Variants in STAG2 observed in about 807,000 individuals in gnomAD.
STAG2 encodes the protein STAG2 cohesin complex component, also known as cohesin subunit SA-2.
In STAG2, 14 loss-of-function variants were observed where a neutral mutation model predicts 108.1. The ratio of observed to expected loss-of-function variants is 0.13; its 90% CI spans 0.09 to 0.20. The LOEUF (loss-of-function observed/expected upper bound fraction) is 0.20. Among genes scored for constraint, STAG2 ranks in the 10% least tolerant of loss-of-function variants. The pLI is 1.00. For missense variants in STAG2, 440 were observed against 940.9 expected, an observed-to-expected ratio of 0.47 and a Z score of 6.96; for synonymous variants, 307 against 302.7, an observed-to-expected ratio of 1.01 and a Z score of -0.15.
intron 24 of STAG2, 62 bp downstream of exon 24, chrX:124,068,718 G>A (rs983694058): frequency 5.0e-6 from 4 of 804,085 alleles, no homozygotes; most frequent in African/African-American, 2.1e-5. Context: ...CTGAACTAAT[G>A]TAGAAAGTTT....
intron 4 of STAG2, among the ~76,000 whole-genome samples, chrX:124,027,004 A>G (rs1028914772): frequency 2.7e-5 from 3 of 111,934 alleles, no homozygotes; most frequent in East Asian, 2.8e-4. Context: ...GGCTAAAGCA[A>G]TTATCCTGCC....
At chrX:124,027,399 C>T (rs775697298) in intron 4 of STAG2, among the ~76,000 whole-genome samples, 2 of 112,159 alleles carry the variant, frequency 1.8e-5, no homozygotes, top group Non-Finnish European at 3.8e-5. Context: ...TATTAACTTA[C>T]GGCTATCCAA....
chrX:124,014,366 A>AT (rs1408314502), intron 1 of STAG2, among the ~76,000 whole-genome samples: 4 of 110,572 alleles, frequency 3.6e-5, no homozygotes, highest in African/African-American at 1.3e-4. Flanking sequence ...GTATGTATAA[A>AT]ATTTTTTTTT....
At chrX:124,073,880 C>T (rs2058735439) in intron 25 of STAG2, among the ~76,000 whole-genome samples, 1 of 111,745 alleles carries the variant, frequency 8.9e-6, no homozygotes, top group South Asian at 3.7e-4. Flanking sequence ...AAGAAGCCCT[C>T]ATTTGTATTC....
chrX:124,004,753 CT>C (rs1370491595), intron 1 of STAG2, among the ~76,000 whole-genome samples: 13 of 110,956 alleles, frequency 1.2e-4, no homozygotes, highest in Non-Finnish European at 2.1e-4. Context: ...TTTTTTTTCT[CT>C]TTTATCCACC....
intron 25 of STAG2, 51 bp from the exon 26 acceptor site, chrX:124,076,281 C>T: frequency 8.7e-7 from 1 of 1,143,900 alleles, no homozygotes; most frequent in Non-Finnish European, 1.2e-6. Flanking sequence ...AAAAAAAATA[C>T]ATGGTTGAAA....
chrX:123,997,488 T>C (rs1265936780), intron 1 of STAG2, among the ~76,000 whole-genome samples: 1 of 112,104 alleles, frequency 8.9e-6, no homozygotes, highest in Non-Finnish European at 1.9e-5. Flanking sequence ...ACCCAGCACC[T>C]GGCAAACCAC....
chrX:124,038,883 C>T (rs1292906393), intron 6 of STAG2, among the ~76,000 whole-genome samples: 1 of 111,349 alleles, frequency 9.0e-6, no homozygotes, highest in African/African-American at 3.3e-5. Context: ...CATGATGTTA[C>T]TATGGTATCC....
intron 1 of STAG2, among the ~76,000 whole-genome samples, chrX:124,001,778 ACT>A (rs1162566544): frequency 1.8e-5 from 2 of 111,579 alleles, no homozygotes; most frequent in African/African-American, 3.3e-5. Flanking sequence ...GTGTAAGTAC[ACT>A]CTGTGATATT....
At chrX:123,964,775 CA>C (rs1369016393) in intron 1 of STAG2, among the ~76,000 whole-genome samples, 1 of 105,121 alleles carries the variant, frequency 9.5e-6, no homozygotes, top group Non-Finnish European at 1.9e-5. Context: ...TGGTTTAAAT[CA>C]CCTCATGCCC....
chrX:123,966,947 G>A (rs186855011), intron 1 of STAG2, among the ~76,000 whole-genome samples: 1 of 111,128 alleles, frequency 9.0e-6, no homozygotes, highest in African/African-American at 3.3e-5. Context: ...GCAGTGGCAT[G>A]ATCTTGGGCT....
At chrX:124,007,599 G>C (rs2056352509) in intron 1 of STAG2, among the ~76,000 whole-genome samples, 1 of 111,892 alleles carries the variant, frequency 8.9e-6, no homozygotes, top group Non-Finnish European at 1.9e-5. Context: ...GTCTTCCACA[G>C]ATTCCTGTCT....
At chrX:124,074,116 A>G (rs1224292285) in intron 25 of STAG2, among the ~76,000 whole-genome samples, 1 of 111,811 alleles carries the variant, frequency 8.9e-6, no homozygotes, top group Non-Finnish European at 1.9e-5. Flanking sequence ...ATCTTGCTAT[A>G]TTGCTCAGGC....
At chrX:124,080,020 A>G (rs1378269529) in intron 27 of STAG2, among the ~76,000 whole-genome samples, 2 of 109,828 alleles carry the variant, frequency 1.8e-5, no homozygotes, top group Non-Finnish European at 3.8e-5. Context: ...AATTCTGTGT[A>G]CTTAACGGTA....
chrX:123,976,459 T>A (rs1314238266), intron 1 of STAG2, among the ~76,000 whole-genome samples: 1 of 111,698 alleles, frequency 9.0e-6, no homozygotes, highest in Non-Finnish European at 1.9e-5. Flanking sequence ...TGATTTTGAA[T>A]CCTTGTTTCA....
At position 124,021,692 on chromosome X, in the gene STAG2, C is replaced by T. The variant is rs373288827; in HGVS notation, c.-98+261C>T. ...TAGATCAGATCTAACATTTTTTCCC[C>T]CTTCTCTTCTCAACAAAGTTTGTTA... is the stretch of plus-strand genomic sequence containing the variant. On this transcript the variant is annotated intron_variant, in intron 2 of 34. Transcript: ENST00000371145. Among the ~76,000 whole-genome samples, 26 of 111,690 alleles carry T rather than the reference C, an allele frequency of 2.3e-4. No homozygotes were observed. The East Asian group carries it at 7.0e-3, about 30-fold the overall frequency.
intron 24 of STAG2, among the ~76,000 whole-genome samples, chrX:124,069,544 G>A (rs925845199): frequency 2.7e-5 from 3 of 111,353 alleles, no homozygotes; most frequent in Admixed American, 9.6e-5. Flanking sequence ...TAAAAATACC[G>A]AAGCTAATTT....
intron 1 of STAG2, among the ~76,000 whole-genome samples, chrX:124,014,508 G>C (rs1284935614): frequency 9.1e-6 from 1 of 110,235 alleles, no homozygotes; most frequent in East Asian, 2.8e-4. Context: ...TTACAGGCCT[G>C]TGCCACCATG....
In STAG2 at chrX:123,982,630, G is replaced by A. The variant is rs777781906; in HGVS notation, c.-163+20774G>A. On this transcript the variant is annotated intron_variant, in intron 1 of 34. Coordinates refer to ENST00000371145, the MANE Select transcript of STAG2 (RefSeq NM_001042750.2). ...TCGAACTCCTGACCTCAAGTGATCCGCCCACCTTGGCCTTCCAAAATGTTG... is the reference window on the plus strand; with the variant it reads ...TCGAACTCCTGACCTCAAGTGATCCACCCACCTTGGCCTTCCAAAATGTTG... Among the ~76,000 whole-genome samples the A allele has an allele frequency of 9.0e-5, 10 of 110,740 alleles. 1 individual carries two copies. In the South Asian group the frequency reaches 2.3e-3, roughly 25 times the overall value.
Sources: gnomAD v4.1 joint callset for allele counts (sites outside exome capture counted in the v4.1 genomes callset) on GRCh38, gnomAD v4.1.1 for gene constraint, MANE v1.5 for transcripts, NCBI Gene and HGNC (gene_info 2026-07-23, HGNC 2026-07-21) for gene names.